Variants in OSBPL10 observed in about 807,000 individuals in gnomAD.
OSBPL10 encodes the protein oxysterol-binding protein-related protein 10.
Under a neutral mutation model 81.7 loss-of-function variants are expected in OSBPL10, and 49 were observed. That is an observed-to-expected ratio of 0.60 (90% CI 0.48 to 0.76). The LOEUF is 0.76. OSBPL10 is among the 30% of genes least tolerant of loss of function. The pLI, the probability that OSBPL10 is intolerant of heterozygous loss-of-function variation, is 0.00. For synonymous variants in OSBPL10, 419 were observed against 383.6 expected (o/e 1.09, Z -1.08); for missense variants, 923 against 987.8 (o/e 0.93, Z 0.88).
At chr3:31,954,771 A>G (rs948320078) in intron 1 of OSBPL10, among the ~76,000 whole-genome samples, 1 of 152,218 alleles carries the variant, frequency 6.6e-6, no homozygotes, top group African/African-American at 2.4e-5. Flanking sequence ...CATCAAGAGA[A>G]ATAATTGAAA....
At chr3:31,844,900 C>A (rs908785738) in intron 3 of OSBPL10, among the ~76,000 whole-genome samples, 2 of 152,064 alleles carry the variant, frequency 1.3e-5, no homozygotes. Context: ...ATAGCAAGAC[C>A]CCATCTCTAC....
At chr3:31,970,241 C>T (rs1041907788) in intron 1 of OSBPL10, among the ~76,000 whole-genome samples, 7 of 152,104 alleles carry the variant, frequency 4.6e-5, no homozygotes, top group Non-Finnish European at 1.0e-4. Context: ...TCCCCCTCCC[C>T]ACAAGGAAAA....
At chr3:31,752,737 C>T (rs1697757616) in intron 4 of OSBPL10, among the ~76,000 whole-genome samples, 1 of 152,174 alleles carries the variant, frequency 6.6e-6, no homozygotes, top group African/African-American at 2.4e-5. Flanking sequence ...AGATAAGGGC[C>T]TCATTTGTCT....
intron 6 of OSBPL10, among the ~76,000 whole-genome samples, chr3:31,728,598 T>C (rs147957262): frequency 4.6e-5 from 7 of 152,354 alleles, no homozygotes; most frequent in African/African-American, 1.7e-4. Flanking sequence ...TGCCTTAGAA[T>C]GATTCACATA....
intron 5 of OSBPL10, among the ~76,000 whole-genome samples, chr3:31,746,157 G>C (rs1222328013): frequency 2.0e-5 from 3 of 152,094 alleles, no homozygotes; most frequent in Non-Finnish European, 4.4e-5. Flanking sequence ...AAGGACTGAG[G>C]CATCTCAAAG....
chr3:31,853,083 G>A (rs1026864924), intron 3 of OSBPL10, among the ~76,000 whole-genome samples: 6 of 152,076 alleles, frequency 3.9e-5, no homozygotes, highest in Non-Finnish European at 8.8e-5. Flanking sequence ...GTCCAAAGAG[G>A]TATGCAGATC....
intron 1 of OSBPL10, among the ~76,000 whole-genome samples, chr3:31,969,168 T>C (rs1419986579): frequency 6.6e-6 from 1 of 152,188 alleles, no homozygotes; most frequent in Non-Finnish European, 1.5e-5. Context: ...CGCAAACGCA[T>C]GATCCTATTT....
At chr3:31,667,942 A>G (rs777168217) in intron 10 of OSBPL10, among the ~76,000 whole-genome samples, 2 of 152,254 alleles carry the variant, frequency 1.3e-5, no homozygotes, top group Non-Finnish European at 2.9e-5. Flanking sequence ...TTATATTCAT[A>G]CCATAGTCAC....
In OSBPL10 at chr3:31,830,116, A is replaced by C; in HGVS notation, c.653T>G (p.Ile218Ser). The C allele has an allele frequency of 6.2e-7, 1 of 1,614,108 alleles. No homozygotes were observed. The highest frequency in any genetic ancestry group is 1.1e-5 in the South Asian group (1 of 91,072). Reference sequence around the variant, plus strand: ...GGCTGCAGGCGACTTGTGATGCGTGATTGTGACAACACCGGGGGCCCCCAC... The same window carrying C: ...GGCTGCAGGCGACTTGTGATGCGTGCTTGTGACAACACCGGGGGCCCCCAC... ...LSVGAPGVVT[I>S]THHKSPAAAR... Residue 218 changes from isoleucine (I) to serine (S), a missense_variant, in exon 4 of 12, where the codon ATC (isoleucine) becomes AGC (serine). By Grantham distance (142) the Ile-to-Ser change is moderately radical (BLOSUM62 -2). Transcript: ENST00000396556.
At chr3:31,997,172 G>A (rs1699097569) in intron 2 of OSBPL10, among the ~76,000 whole-genome samples, 1 of 152,084 alleles carries the variant, frequency 6.6e-6, no homozygotes, top group Non-Finnish European at 1.5e-5. Flanking sequence ...CGATTTATGT[G>A]CACAGCAGAG....
chr3:31,985,799 C>G (rs1046802567), upstream of OSBPL10, among the ~76,000 whole-genome samples: 11 of 152,194 alleles, frequency 7.2e-5, no homozygotes, highest in African/African-American at 2.7e-4. Context: ...GTATATTGAG[C>G]ACTATGTGCT....
At chr3:32,045,541 G>A (rs867682019) in intron 2 of OSBPL10, among the ~76,000 whole-genome samples, 1 of 152,212 alleles carries the variant, frequency 6.6e-6, no homozygotes, top group African/African-American at 2.4e-5. Context: ...TAGAATGACC[G>A]TAAGCTTGGC....
At position 31,879,938 on chromosome 3, in the gene OSBPL10, A is replaced by T. The variant is rs751775654; in HGVS notation, c.282-108T>A. ...AAGTCAACATCAAGACTCCACATCC[A>T]TGAAGCTGGAAACCAAAAGTCCCTC... is the stretch of plus-strand genomic sequence containing the variant. On this transcript the variant is annotated intron_variant, in intron 1 of 11. Coordinates refer to ENST00000396556, the MANE Select transcript of OSBPL10 (RefSeq NM_017784.5). The T allele has an allele frequency of 2.8e-4, 335 of 1,204,376 alleles. 1 individual carries two copies. The highest frequency in any genetic ancestry group is 3.7e-4 in the Non-Finnish European group (323 of 883,510). The allele number at this position is 1,204,376 out of a possible 1,614,324, so 74.6% of individuals were successfully genotyped here.
chr3:31,836,225 T>A (rs111565222), intron 3 of OSBPL10, among the ~76,000 whole-genome samples: 1,651 of 152,318 alleles, frequency 0.011, 21 homozygotes, highest in South Asian at 0.056. Flanking sequence ...ATTGCCATCT[T>A]CAAATCTTTA....
At chr3:31,949,263 A>C (rs1328230626) in intron 1 of OSBPL10, among the ~76,000 whole-genome samples, 1 of 152,224 alleles carries the variant, frequency 6.6e-6, no homozygotes, top group Non-Finnish European at 1.5e-5. Flanking sequence ...AAATAGCAAC[A>C]GCTAACCTTT....
chr3:32,029,402 C>G (rs1004350526), intron 2 of OSBPL10, among the ~76,000 whole-genome samples: 6 of 152,042 alleles, frequency 3.9e-5, no homozygotes, highest in Non-Finnish European at 8.8e-5. Context: ...TGTTGGTGTT[C>G]TAAGGCTTTT....
At chr3:31,766,257 G>C (rs976532501) in intron 4 of OSBPL10, among the ~76,000 whole-genome samples, 10 of 151,678 alleles carry the variant, frequency 6.6e-5, no homozygotes, top group African/African-American at 2.4e-4. Context: ...TGTGGACACA[G>C]ATCCCCCACT....
intron 4 of OSBPL10, among the ~76,000 whole-genome samples, chr3:31,807,745 A>C (rs1052088494): frequency 6.6e-6 from 1 of 152,086 alleles, no homozygotes; most frequent in Non-Finnish European, 1.5e-5. Context: ...CTCTAAAAAG[A>C]ATTTTTCTTT....
In OSBPL10 at chr3:31,792,311, T is replaced by A. The variant is rs540072525; in HGVS notation, c.729+37729A>T. Among the ~76,000 whole-genome samples, 3 of 152,014 alleles carry A rather than the reference T, an allele frequency of 2.0e-5. No homozygotes were observed. The East Asian group carries it at 5.8e-4, about 29-fold the overall frequency. ...CCTTGAGCTTTCAAGCAATCAGACA[T>A]TACGTGTAACTTTCAAAAACATTCA... On this transcript the variant is annotated intron_variant, in intron 4 of 11. Transcript: ENST00000396556.
Sources: gnomAD v4.1 joint callset for allele counts (sites outside exome capture counted in the v4.1 genomes callset) on GRCh38, gnomAD v4.1.1 for gene constraint, MANE v1.5 for transcripts, NCBI Gene and HGNC (gene_info 2026-07-23, HGNC 2026-07-21) for gene names.